ZNF91: variants seen among roughly 807,000 people sequenced by gnomAD.
The protein encoded by ZNF91 is zinc finger protein 91.
A neutral mutation model predicts 12.6 loss-of-function variants in ZNF91; 7 were observed. The ratio of observed to expected loss-of-function variants is 0.55; its 90% CI spans 0.31 to 1.04. ZNF91 has a LOEUF of 1.04. Ranked by LOEUF, ZNF91 falls within the 50% of genes least tolerant of loss-of-function variation. The pLI, the probability that ZNF91 is intolerant of heterozygous loss-of-function variation, is 0.05. For synonymous variants in ZNF91, 453 were observed against 462.6 expected (o/e 0.98, Z 0.27); for missense variants, 1,217 against 1,385.4 (o/e 0.88, Z 1.93).
At chr19:23,370,353 CAG>C (rs1433884911) in intron 3 of ZNF91, among the ~76,000 whole-genome samples, 2 of 151,984 alleles carry the variant, frequency 1.3e-5, no homozygotes, top group African/African-American at 2.4e-5. Context: ...CTCATAAAAA[CAG>C]AAAGTGGAAG....
At chr19:23,321,404 G>C (rs1009336859) in intron 1 of ZNF91, among the ~76,000 whole-genome samples, 7 of 152,110 alleles carry the variant, frequency 4.6e-5, no homozygotes, top group African/African-American at 1.7e-4. Context: ...CTTAGGCGAT[G>C]TGACTCTTCT....
chr19:23,391,886 A>G (rs1055039342), intron 1 of ZNF91, among the ~76,000 whole-genome samples: 1 of 152,130 alleles, frequency 6.6e-6, no homozygotes, highest in African/African-American at 2.4e-5. Context: ...CACTGGGTTT[A>G]AGCTTTAATT....
At chr19:23,365,369 G>A (rs989554742) in intron 3 of ZNF91, among the ~76,000 whole-genome samples, 3 of 151,398 alleles carry the variant, frequency 2.0e-5, no homozygotes, top group African/African-American at 7.3e-5. Flanking sequence ...AGTTTTAGGA[G>A]GCAAGCCTGT....
intron 3 of ZNF91, among the ~76,000 whole-genome samples, chr19:23,347,277 C>T (rs1293429153): frequency 2.6e-5 from 4 of 152,150 alleles, no homozygotes; most frequent in African/African-American, 7.2e-5. Context: ...TCACACTCGT[C>T]CATCTGGAAA....
chr19:23,379,264 G>A (rs956195229), intron 1 of ZNF91, among the ~76,000 whole-genome samples: 17 of 152,174 alleles, frequency 1.1e-4, no homozygotes, highest in African/African-American at 3.9e-4. Flanking sequence ...ATTTTACAGC[G>A]TAACTGTGAG....
chr19:23,330,288 G>T (rs1292421811), intron 1 of ZNF91, among the ~76,000 whole-genome samples: 1 of 151,600 alleles, frequency 6.6e-6, no homozygotes, highest in African/African-American at 2.4e-5. Flanking sequence ...CCGAGATTGT[G>T]CCACTGCACT....
intron 1 of ZNF91, chr19:23,324,337 C>T (rs1037803840): frequency 2.0e-5 from 3 of 151,678 alleles, no homozygotes; most frequent in Non-Finnish European, 4.4e-5. Flanking sequence ...CTTCTCTTCT[C>T]CTCCTCCTCT....
upstream of ZNF91, among the ~76,000 whole-genome samples, chr19:23,312,878 C>G (rs935429796): frequency 6.6e-6 from 1 of 152,218 alleles, no homozygotes; most frequent in African/African-American, 2.4e-5. Context: ...CACATGAACA[C>G]AGCCCATTGT....
At chr19:23,319,899 G>A (rs1967649691) in intron 1 of ZNF91, among the ~76,000 whole-genome samples, 1 of 152,114 alleles carries the variant, frequency 6.6e-6, no homozygotes, top group African/African-American at 2.4e-5. Context: ...CTTATAGCAA[G>A]GCTCAGGGAA....
chr19:23,315,085 T>C (rs1198368177), upstream of ZNF91, among the ~76,000 whole-genome samples: 1 of 152,238 alleles, frequency 6.6e-6, no homozygotes, highest in African/African-American at 2.4e-5. Context: ...TCGTTTTACA[T>C]GGGCCCTCCT....
At chr19:23,328,787 G>A (rs534077379) in intron 1 of ZNF91, 1 of 152,302 alleles carries the variant, frequency 6.6e-6, no homozygotes, top group East Asian at 1.9e-4. Flanking sequence ...AGGTTTAAGA[G>A]GTAAGAGAGG....
rs1968793889 is a variant in ZNF91 at position 23,361,887 on chromosome 19, G to A, written c.1092C>T (p.Thr364=). The change falls in exon 4 of 4, where the codon ACC becomes ACT. Residue 364 remains threonine, a synonymous_variant. Coordinates refer to ENST00000300619, the MANE Select transcript of ZNF91 (RefSeq NM_003430.4). ...TATGAGTTATCTTATGATTAGCAAG[G>A]GTTGAGGAATTGCTAAAAGCTTTGC... ...ECGKAFSNSS[T]LANHKITHTE... is the part of the protein sequence containing the mutation. 1 of 1,612,930 alleles carries A rather than the reference G, an allele frequency of 6.2e-7. No individual in the cohort carries two copies. The highest frequency in any genetic ancestry group is 8.5e-7 in the Non-Finnish European group (1 of 1,179,474).
intron 3 of ZNF91, among the ~76,000 whole-genome samples, chr19:23,372,921 C>T (rs1336337172): frequency 1.3e-5 from 2 of 152,182 alleles, no homozygotes; most frequent in African/African-American, 2.4e-5. Flanking sequence ...CAGAAACCTG[C>T]CCTTGGGTCT....
intron 1 of ZNF91, among the ~76,000 whole-genome samples, chr19:23,331,990 T>C (rs574875216): frequency 6.6e-6 from 1 of 152,356 alleles, no homozygotes; most frequent in East Asian, 1.9e-4. Flanking sequence ...CCAGAAACTA[T>C]GACATGCTTC....
chr19:23,309,332 C>T (rs1227374460), intron 1 of ZNF91, among the ~76,000 whole-genome samples: 1 of 152,140 alleles, frequency 6.6e-6, no homozygotes, highest in Non-Finnish European at 1.5e-5. Context: ...TGCGTTCATG[C>T]TGCTTATAGA....
intron 3 of ZNF91, among the ~76,000 whole-genome samples, chr19:23,370,013 A>G (rs985036336): frequency 6.6e-6 from 1 of 151,260 alleles, no homozygotes; most frequent in Non-Finnish European, 1.5e-5. Context: ...AAAAAAAAAA[A>G]AAAAAGCAAA....
intron 3 of ZNF91, among the ~76,000 whole-genome samples, chr19:23,369,405 G>A (rs1280786877): frequency 2.0e-5 from 3 of 151,758 alleles, no homozygotes; most frequent in African/African-American, 4.8e-5. Flanking sequence ...GCCTCCGCCC[G>A]GCCGCTGCCC....
downstream of ZNF91, chr19:23,338,175 A>G (rs978173304): frequency 6.6e-6 from 1 of 152,190 alleles, no homozygotes; most frequent in Non-Finnish European, 1.5e-5. Flanking sequence ...AAATATAAAC[A>G]AAATATATTG....
chr19:23,368,117 C>T (rs1352021416), intron 3 of ZNF91, among the ~76,000 whole-genome samples: 1 of 151,966 alleles, frequency 6.6e-6, no homozygotes, highest in Non-Finnish European at 1.5e-5. Context: ...ACCATGTTGG[C>T]CAGGCTGGTC....
Sources: allele counts gnomAD v4.1 joint callset (sites outside exome capture counted in the v4.1 genomes callset), GRCh38; gene constraint gnomAD v4.1.1; transcripts MANE v1.5; gene names NCBI Gene and HGNC (gene_info 2026-07-23, HGNC 2026-07-21).